CLCA4: variants seen among roughly 807,000 people sequenced by gnomAD.
CLCA4 encodes chloride channel accessory 4.
CLCA4 carries 69 observed loss-of-function variants against 78.9 expected under a neutral mutation model. The ratio of observed to expected loss-of-function variants is 0.87; its 90% CI spans 0.72 to 1.07. CLCA4 has a LOEUF of 1.07. Among genes scored for constraint, CLCA4 ranks in the 50% least tolerant of loss-of-function variants. The pLI is 0.00. For missense variants in CLCA4, 1,133 were observed against 1,095.8 expected (o/e 1.03, Z -0.48); for synonymous variants, 362 against 375.8 (o/e 0.96, Z 0.42).
intron 4 of CLCA4, 140 bp downstream of exon 4, chr1:86,563,909 C>A: frequency 2.0e-6 from 1 of 511,896 alleles, no homozygotes; most frequent in Non-Finnish European, 3.5e-6. Context: ...GAAAGTGTAT[C>A]TTTAAGTAGT....
At position 86,560,054 on chromosome 1, in the gene CLCA4, A is replaced by C. The variant is rs1357449203; in HGVS notation, c.282A>C (p.Lys94Asn). ...AAAATCCTCAGTACAAAAGGCCAAA[A>C]CATGAAAACCATAAACATGTAAGTG... ...WKENPQYKRP[K>N]HENHKHADVI... is the part of the protein sequence containing the mutation. The change falls in exon 2 of 14, where the codon AAA becomes AAC. Residue 94 changes from lysine (K) to asparagine (N), a missense_variant. Lys to Asn is a moderately conservative substitution (Grantham distance 94, BLOSUM62 0). Coordinates refer to ENST00000370563, the MANE Select transcript of CLCA4 (RefSeq NM_012128.4). 1 of 1,595,202 alleles carries C rather than the reference A, an allele frequency of 6.3e-7. No individual in the cohort carries two copies. The highest frequency in any genetic ancestry group is 1.4e-5 in the African/African-American group (1 of 73,530).
chr1:86,577,778 C>A, intron 11 of CLCA4, 124 bp from the exon 12 acceptor site: 1 of 696,684 alleles, frequency 1.4e-6, no homozygotes, highest in Non-Finnish European at 2.4e-6. Context: ...GAAATATTCT[C>A]CAAAGGGTCA....
intron 3 of CLCA4, among the ~76,000 whole-genome samples, chr1:86,562,053 A>C (rs1570325230): frequency 6.6e-6 from 1 of 152,150 alleles, no homozygotes; most frequent in Non-Finnish European, 1.5e-5. Flanking sequence ...AGAGGCTGCC[A>C]TAGCACATAT....
chr1:86,567,852 T>C (rs1452853081), intron 7 of CLCA4, among the ~76,000 whole-genome samples: 1 of 151,988 alleles, frequency 6.6e-6, no homozygotes, highest in Non-Finnish European at 1.5e-5. Flanking sequence ...GGTGAATAAA[T>C]GACTATCAAT....
chr1:86,556,419 C>T (rs993408087), intron 1 of CLCA4, among the ~76,000 whole-genome samples: 2 of 151,974 alleles, frequency 1.3e-5, no homozygotes, highest in Non-Finnish European at 2.9e-5. Flanking sequence ...TATTGAAAAC[C>T]TTTTCTCCAT....
intron 6 of CLCA4, 119 bp downstream of exon 6, chr1:86,566,139 C>T: frequency 4.1e-6 from 3 of 731,642 alleles, no homozygotes; most frequent in Admixed American, 6.7e-5. Flanking sequence ...ACCATCACTG[C>T]CCATGATCAT....
chr1:86,559,973 A>G lies in CLCA4; in HGVS notation c.201A>G (p.Thr67=). ...CTTCTACGTACCTGTTTGAAGCCAC[A>G]GAAAAAAGATTTTTTTTCAAAAATG... is the stretch of plus-strand genomic sequence containing the variant. The part of the protein sequence containing the change: ...TTASTYLFEA[T]EKRFFFKNVS... The change falls in exon 2 of 14, where the codon ACA becomes ACG. Residue 67 remains threonine (T), a synonymous_variant. Coordinates refer to ENST00000370563, the MANE Select transcript of CLCA4 (RefSeq NM_012128.4). The G allele has an allele frequency of 6.2e-7, 1 of 1,608,234 alleles. No homozygotes were observed. Among genetic ancestry groups the G allele is most frequent in the East Asian group, 2.2e-5 (1 of 44,778 alleles).
At chr1:86,554,681 G>A (rs10782574) in intron 1 of CLCA4, among the ~76,000 whole-genome samples, 123,881 of 152,096 alleles carry the variant, frequency 0.81, 50,881 homozygotes, top group East Asian at 0.94. Flanking sequence ...TCTTTCTGGT[G>A]GAATGATTTA....
Position 86,575,571 on chromosome 1 carries a change from A to G in CLCA4, c.1923A>G (p.Glu641=). The part of the protein sequence containing the change: ...AFIESQNGHT[E]VLELLDNGAG... The stretch of plus-strand genomic sequence containing the variant: ...TTGAATCACAGAATGGACATACAGA[A>G]GTTTTGGAACTTTTGGATAATGGTG... The change falls in exon 11 of 14, where the codon GAA becomes GAG. Residue 641 remains glutamate (E), a synonymous_variant. Transcript: ENST00000370563. 6.2e-7 allele frequency: 1 copy of G among 1,612,844 alleles called. No homozygotes were observed. Among genetic ancestry groups the G allele is most frequent in the Non-Finnish European group, 8.5e-7 (1 of 1,179,262 alleles).
chr1:86,553,034 A>C, intron 1 of CLCA4: 1 of 632,968 alleles, frequency 1.6e-6, no homozygotes, highest in South Asian at 1.8e-5. Context: ...TCCTGCTCCC[A>C]CGCCGCGCGG....
chr1:86,572,521 CTA>C (rs1338486084), intron 8 of CLCA4, 91 bp from the exon 9 acceptor site: 2 of 743,382 alleles, frequency 2.7e-6, no homozygotes, highest in Middle Eastern at 3.8e-4. Flanking sequence ...CATACTGAAA[CTA>C]TGATTTTGTT....
intron 3 of CLCA4, 139 bp downstream of exon 3, chr1:86,560,497 A>C: frequency 1.3e-6 from 1 of 785,392 alleles, no homozygotes; most frequent in South Asian, 2.0e-5. Context: ...ATGTGACCTT[A>C]AACAAGTGAC....
chr1:86,565,498 A>G, intron 5 of CLCA4, 47 bp downstream of exon 5: 5 of 1,394,212 alleles, frequency 3.6e-6, no homozygotes, highest in Non-Finnish European at 4.9e-6. Context: ...CAAATGACAT[A>G]TTGTCATGTT....
intron 11 of CLCA4, among the ~76,000 whole-genome samples, chr1:86,577,287 G>C (rs1475469043): frequency 6.6e-6 from 1 of 152,056 alleles, no homozygotes; most frequent in African/African-American, 2.4e-5. Flanking sequence ...CAATGACATA[G>C]AGCAGACATT....
chr1:86,565,488 CA>C (rs766008951), intron 5 of CLCA4, 37 bp downstream of exon 5: 35 of 1,431,740 alleles, frequency 2.4e-5, no homozygotes, highest in Admixed American at 1.2e-4. Context: ...AATTTATAAT[CA>C]AATGACATAT....
chr1:86,566,270 G>A (rs1432791579), intron 6 of CLCA4, among the ~76,000 whole-genome samples: 1 of 151,962 alleles, frequency 6.6e-6, no homozygotes, highest in Middle Eastern at 3.2e-3. Flanking sequence ...GGGCTTCTAG[G>A]CTGGTTAAAG....
chr1:86,559,980 A>G lies in CLCA4; in HGVS notation c.208A>G (p.Arg70Gly), dbSNP rs1428022587. 39 of 1,608,912 alleles carry G rather than the reference A, an allele frequency of 2.4e-5. No homozygotes were observed. The highest frequency in any genetic ancestry group is 3.1e-5 in the Non-Finnish European group (37 of 1,177,910). Residue 70 changes from arginine (R) to glycine (G), a missense_variant, in exon 2 of 14, where the codon AGA becomes GGA. Arg to Gly is a moderately radical substitution (Grantham distance 125). Transcript: ENST00000370563. The part of the protein sequence containing the change: ...STYLFEATEK[R>G]FFFKNVSILI... ...GTACCTGTTTGAAGCCACAGAAAAA[A>G]GATTTTTTTTCAAAAATGTATCTAT...
chr1:86,552,042 C>T (rs1649679875), intron 1 of CLCA4, among the ~76,000 whole-genome samples: 2 of 151,850 alleles, frequency 1.3e-5, no homozygotes, highest in Admixed American at 1.3e-4. Flanking sequence ...TAGTGATGCC[C>T]ACTGCAAAAA....
In CLCA4 at chr1:86,547,098, C is replaced by A; in HGVS notation, c.-22C>A. On this transcript the variant is annotated 5_prime_UTR_variant, in exon 1 of 14. Transcript: ENST00000370563. ...CTCTTGAACAAACCAACATTTGAGC[C>A]AGGAATAACTAGAGAGGAACAATGG... 1 of 1,585,482 alleles carries A rather than the reference C, an allele frequency of 6.3e-7. No individual in the cohort carries two copies. Among genetic ancestry groups the A allele is most frequent in the Admixed American group, 2.0e-5 (1 of 50,662 alleles).
Sources: gnomAD v4.1 joint callset for allele counts (sites outside exome capture counted in the v4.1 genomes callset) on GRCh38, gnomAD v4.1.1 for gene constraint, MANE v1.5 for transcripts, NCBI Gene and HGNC (gene_info 2026-07-23, HGNC 2026-07-21) for gene names.